GRK3: variants seen among roughly 807,000 people sequenced by gnomAD.
GRK3 encodes G protein-coupled receptor kinase 3, also known as adrenergic, beta, receptor kinase 2.
A neutral mutation model predicts 95.7 loss-of-function variants in GRK3; 54 were observed. That is an observed-to-expected ratio of 0.56 (90% CI 0.45 to 0.71). GRK3 has a LOEUF of 0.71. Among genes scored for constraint, GRK3 ranks in the 30% least tolerant of loss-of-function variants. GRK3 has a pLI of 0.00. For synonymous variants in GRK3, 281 were observed against 290.8 expected (o/e 0.97, Z 0.34); for missense variants, 649 against 851.2 (o/e 0.76, Z 2.96).
At chr22:25,677,025 C>T (rs1248486939) in intron 8 of GRK3, among the ~76,000 whole-genome samples, 7 of 152,154 alleles carry the variant, frequency 4.6e-5, no homozygotes, top group African/African-American at 9.6e-5. Context: ...CCCAGAGGCC[C>T]GAGGCCTGTG....
chr22:25,649,114 T>A (rs763666433), intron 3 of GRK3: 6 of 1,524,578 alleles, frequency 3.9e-6, no homozygotes, highest in Non-Finnish European at 5.5e-6. Flanking sequence ...CTCCATGAAT[T>A]GATGAATCTG....
intron 1 of GRK3, among the ~76,000 whole-genome samples, chr22:25,576,912 A>G (rs1239169367): frequency 6.6e-6 from 1 of 152,230 alleles, no homozygotes; most frequent in African/African-American, 2.4e-5. Flanking sequence ...TTAACTTAAT[A>G]ATAAATACAT....
intron 3 of GRK3, among the ~76,000 whole-genome samples, chr22:25,658,202 G>T (rs2084885812): frequency 6.6e-6 from 1 of 152,082 alleles, no homozygotes; most frequent in Admixed American, 6.5e-5. Context: ...TTGTCCTCTT[G>T]CATATGGGTC....
rs985738215 is a variant in GRK3 at position 25,673,072 on chromosome 22, T to C, written c.555+725T>C. On this transcript the variant is annotated intron_variant, in intron 7 of 20. Transcript: ENST00000324198. ...TGGTATTGTTGGAAGAGGGGCTTTT[T>C]TTTTTTTTGAGACGAGTCTCGCTCT... Among the ~76,000 whole-genome samples the C allele has an allele frequency of 7.1e-4, 108 of 151,124 alleles. 1 individual carries two copies. The highest frequency in any genetic ancestry group is 2.1e-4 in the Non-Finnish European group (14 of 67,774).
intron 2 of GRK3, among the ~76,000 whole-genome samples, chr22:25,633,551 G>A (rs2084679150): frequency 6.6e-6 from 1 of 151,608 alleles, no homozygotes; most frequent in South Asian, 2.1e-4. Context: ...TAAGTGTTGG[G>A]TTTTTTTAAT....
intron 19 of GRK3, among the ~76,000 whole-genome samples, chr22:25,719,617 C>T (rs1465994534): frequency 6.8e-6 from 1 of 147,238 alleles, no homozygotes; most frequent in Non-Finnish European, 1.5e-5. Flanking sequence ...TTATTAAGTG[C>T]CTACTGGGTG....
At chr22:25,611,311 T>C (rs1181775378) in intron 2 of GRK3, among the ~76,000 whole-genome samples, 1 of 152,254 alleles carries the variant, frequency 6.6e-6, no homozygotes, top group African/African-American at 2.4e-5. Context: ...TATGGACATA[T>C]GTTTTCATTT....
At chr22:25,635,884 G>A (rs1006783644) in intron 2 of GRK3, among the ~76,000 whole-genome samples, 1 of 152,196 alleles carries the variant, frequency 6.6e-6, no homozygotes, top group African/African-American at 2.4e-5. Context: ...TCATTCCATA[G>A]TTTTTGACTG....
chr22:25,568,278 A>T lies in GRK3; in HGVS notation c.113+3125A>T, dbSNP rs1931564039. Among the ~76,000 whole-genome samples the T allele has an allele frequency of 2.0e-5, 3 of 152,204 alleles. No individual in the cohort carries two copies. In the South Asian group the frequency reaches 6.2e-4, roughly 31 times the overall value. On this transcript the variant is annotated intron_variant, in intron 1 of 20. Transcript: ENST00000324198. ...CTTAAGCCCTGGAGTGATTCAGACG[A>T]CTTTTACTGTAGGCTGTATTACTCT...
At chr22:25,674,828 A>G (rs2085014264) in intron 8 of GRK3, among the ~76,000 whole-genome samples, 1 of 152,156 alleles carries the variant, frequency 6.6e-6, no homozygotes, top group South Asian at 2.1e-4. Flanking sequence ...GGGCGCCTAT[A>G]GTCCCAGCTA....
intron 10 of GRK3, among the ~76,000 whole-genome samples, chr22:25,686,571 T>A (rs2146432718): frequency 6.6e-6 from 1 of 152,344 alleles, no homozygotes; most frequent in South Asian, 2.1e-4. Flanking sequence ...TGGACACACA[T>A]TCATTTTTAT....
In GRK3 at chr22:25,640,221, TC is replaced by T. The variant is rs534770503; in HGVS notation, c.191-4370del. ...AGTGAGATTACATATTGCAGCATTT[TC>T]TTATCTGACATGCATTGTATTTTGT... On this transcript the variant is annotated intron_variant, in intron 2 of 20. Coordinates refer to ENST00000324198, the MANE Select transcript of GRK3 (RefSeq NM_005160.4). 4.9e-4 allele frequency among the ~76,000 whole-genome samples: 75 copies of T among 152,324 alleles called. No individual in the cohort carries two copies. The South Asian group carries it at 0.011, about 23-fold the overall frequency.
intron 1 of GRK3, among the ~76,000 whole-genome samples, chr22:25,597,518 T>C (rs1238960975): frequency 6.6e-6 from 1 of 152,200 alleles, no homozygotes; most frequent in African/African-American, 2.4e-5. Flanking sequence ...CTGATCACTA[T>C]GCATCGTATG....
intron 2 of GRK3, among the ~76,000 whole-genome samples, chr22:25,643,624 C>A (rs1228291055): frequency 6.6e-6 from 1 of 152,206 alleles, no homozygotes; most frequent in African/African-American, 2.4e-5. Context: ...ATTTTATAAT[C>A]TTCAAGTATC....
At chr22:25,713,624 A>G (rs1023664956) in intron 17 of GRK3, among the ~76,000 whole-genome samples, 6 of 152,242 alleles carry the variant, frequency 3.9e-5, no homozygotes, top group African/African-American at 7.2e-5. Flanking sequence ...TAAGACAAGC[A>G]TGTATTTACC....
intron 2 of GRK3, among the ~76,000 whole-genome samples, chr22:25,615,231 C>T (rs2084529400): frequency 6.6e-6 from 1 of 152,160 alleles, no homozygotes; most frequent in Non-Finnish European, 1.5e-5. Context: ...AAATTATATG[C>T]TCTGTCAATA....
chr22:25,697,727 C>T (rs974945002), intron 13 of GRK3, among the ~76,000 whole-genome samples: 2 of 152,172 alleles, frequency 1.3e-5, no homozygotes, highest in African/African-American at 4.8e-5. Context: ...AATGTCCAGT[C>T]ATTTGAGCTA....
At chr22:25,608,145 C>T (rs1171710562) in intron 2 of GRK3, among the ~76,000 whole-genome samples, 3 of 152,120 alleles carry the variant, frequency 2.0e-5, no homozygotes, top group Non-Finnish European at 1.5e-5. Context: ...ATCAACTTAA[C>T]TAATGTTAAG....
chr22:25,610,509 C>T (rs1369942651), intron 2 of GRK3, among the ~76,000 whole-genome samples: 1 of 152,158 alleles, frequency 6.6e-6, no homozygotes, highest in Admixed American at 6.5e-5. Context: ...ATACCATTCA[C>T]CCATTGTAAA....
Sources: allele counts gnomAD v4.1 joint callset (sites outside exome capture counted in the v4.1 genomes callset), GRCh38; gene constraint gnomAD v4.1.1; transcripts MANE v1.5; gene names NCBI Gene and HGNC (gene_info 2026-07-23, HGNC 2026-07-21).